The following DHX29 variants were observed in gnomAD, a reference collection of about 807,000 sequenced individuals.
The protein encoded by DHX29 is ATP-dependent RNA helicase DHX29.
A neutral mutation model predicts 167.9 loss-of-function variants in DHX29; 79 were observed. That is an observed-to-expected ratio of 0.47 (90% CI 0.39 to 0.57). The LOEUF is 0.57. Among genes scored for constraint, DHX29 ranks in the 20% least tolerant of loss-of-function variants. DHX29 has a pLI of 0.00. For synonymous variants in DHX29, 530 were observed against 546.0 expected (o/e 0.97, Z 0.41); for missense variants, 1,347 against 1,593.4 (o/e 0.85, Z 2.63).
At position 55,275,110 on chromosome 5, in the gene DHX29, A is replaced by G. The variant is rs1747042689; in HGVS notation, c.2428-100T>C. The G allele has an allele frequency of 4.5e-6, 6 of 1,338,272 alleles. No homozygotes were observed. The African/African-American group carries it at 7.5e-5, about 17-fold the overall frequency. 82.9% of individuals were successfully genotyped at this position (1,338,272 alleles called of 1,614,324 possible). On this transcript the variant is annotated intron_variant, in intron 14 of 26. Transcript: ENST00000251636. ...GGTATTTGCATTCATTCAAATCTAT[A>G]TTTTTCTCATTGTCACCATTACTAT...
chr5:55,296,703 T>C (rs1748340650), intron 3 of DHX29, among the ~76,000 whole-genome samples: 1 of 152,206 alleles, frequency 6.6e-6, no homozygotes, highest in Non-Finnish European at 1.5e-5. Context: ...CTTTGAATAG[T>C]TACATAATAT....
chr5:55,282,967 A>G (rs1186554760), intron 11 of DHX29: 1 of 338,238 alleles, frequency 3.0e-6, no homozygotes, highest in African/African-American at 2.1e-5. Flanking sequence ...TATAGTTAAT[A>G]TATTTTTTCT....
intron 1 of DHX29, among the ~76,000 whole-genome samples, chr5:55,304,597 G>C (rs1310516137): frequency 6.6e-6 from 1 of 151,950 alleles, no homozygotes; most frequent in Non-Finnish European, 1.5e-5. Context: ...ACTGCGCCTA[G>C]CCACCTTCTT....
intron 6 of DHX29, among the ~76,000 whole-genome samples, chr5:55,290,588 G>C (rs1747992537): frequency 6.6e-6 from 1 of 152,194 alleles, no homozygotes; most frequent in African/African-American, 2.4e-5. Flanking sequence ...CATCTCTACA[G>C]AGAAGACTAT....
chr5:55,281,135 C>CTA (rs552724018), intron 12 of DHX29, among the ~76,000 whole-genome samples: 14 of 150,900 alleles, frequency 9.3e-5, no homozygotes, highest in South Asian at 2.1e-4. Context: ...CACACACACG[C>CTA]TATATATATA....
At chr5:55,257,020 A>C (rs1008498129) in intron 26 of DHX29, among the ~76,000 whole-genome samples, 2 of 152,212 alleles carry the variant, frequency 1.3e-5, no homozygotes, top group African/African-American at 4.8e-5. Flanking sequence ...AGTCCAAAGG[A>C]AACAAAAAAT....
chr5:55,287,275 T>C (rs559837343), intron 8 of DHX29, among the ~76,000 whole-genome samples: 3 of 152,206 alleles, frequency 2.0e-5, no homozygotes, highest in Admixed American at 6.5e-5. Context: ...ACCCCGTCTC[T>C]ACTAAAAATA....
At chr5:55,289,470 A>G in intron 7 of DHX29, 42 bp from the exon 8 acceptor site, 1 of 1,419,916 alleles carries the variant, frequency 7.0e-7, no homozygotes, top group Non-Finnish European at 9.3e-7. Flanking sequence ...ATGGTTTTAA[A>G]AAAATTGTTA....
At chr5:55,263,588 A>G (rs1746411830) in intron 23 of DHX29, among the ~76,000 whole-genome samples, 1 of 151,866 alleles carries the variant, frequency 6.6e-6, no homozygotes, top group Non-Finnish European at 1.5e-5. Flanking sequence ...TAGGAGAGAA[A>G]AGACCAAACA....
At chr5:55,291,247 A>G (rs1028351951) in intron 6 of DHX29, among the ~76,000 whole-genome samples, 1 of 152,192 alleles carries the variant, frequency 6.6e-6, no homozygotes, top group African/African-American at 2.4e-5. Context: ...CCTTAGGTTA[A>G]TAAGTGACAG....
At chr5:55,272,925 AGAG>A (rs1746923952) in intron 17 of DHX29, among the ~76,000 whole-genome samples, 2 of 152,204 alleles carry the variant, frequency 1.3e-5, no homozygotes, top group Non-Finnish European at 2.9e-5. Flanking sequence ...AAAAATCATC[AGAG>A]AAGATCTGCC....
At chr5:55,295,149 G>A (rs1000023832) in intron 5 of DHX29, 1 of 438,516 alleles carries the variant, frequency 2.3e-6, no homozygotes, top group African/African-American at 2.0e-5. Flanking sequence ...ACCTTGCTGA[G>A]CCCAGCACAG....
At chr5:55,263,015 T>C (rs1231462918) in intron 23 of DHX29, 83 bp from the exon 24 acceptor site, 1 of 1,053,732 alleles carries the variant, frequency 9.5e-7, no homozygotes, top group African/African-American at 1.6e-5. Flanking sequence ...TATTACTGCT[T>C]CCTATAAAAA....
At chr5:55,298,818 C>T (rs1748453225) in intron 1 of DHX29, among the ~76,000 whole-genome samples, 154 bp from the exon 2 acceptor site, 1 of 151,412 alleles carries the variant, frequency 6.6e-6, no homozygotes, top group Non-Finnish European at 1.5e-5. Flanking sequence ...ATCATGAGGT[C>T]AGGAGATCGA....
At position 55,256,521 on chromosome 5, in the gene DHX29, G is replaced by A; in HGVS notation, c.4077C>T (p.Ile1359=). Residue 1359 remains isoleucine (I), a synonymous_variant, in exon 27 of 27, where the codon ATC becomes ATT. Coordinates refer to ENST00000251636, the MANE Select transcript of DHX29 (RefSeq NM_019030.4). ...MSLENDKILQ[I]ITELIKTENN is the part of the protein sequence containing the mutation. ...TCTCTGTTTTTATCAATTCCGTAAT[G>A]ATCTGCAGAATCTTGTCATCTGAGT... The A allele has an allele frequency of 1.3e-6, 2 of 1,590,904 alleles. No individual in the cohort carries two copies. The highest frequency in any genetic ancestry group is 1.7e-6 in the Non-Finnish European group (2 of 1,172,382).
chr5:55,303,107 A>AT (rs1218932696), intron 1 of DHX29, among the ~76,000 whole-genome samples: 6 of 150,504 alleles, frequency 4.0e-5, no homozygotes, highest in Non-Finnish European at 8.8e-5. Flanking sequence ...GACTCAGCTA[A>AT]TTAAAAAAAA....
At chr5:55,273,974 C>T (rs997870910) in intron 16 of DHX29, among the ~76,000 whole-genome samples, 2 of 151,264 alleles carry the variant, frequency 1.3e-5, no homozygotes, top group Non-Finnish European at 2.9e-5. Context: ...GTAGTCCCAG[C>T]TACTTGGGGA....
At chr5:55,298,453 A>C in intron 2 of DHX29, 138 bp downstream of exon 2, 2 of 571,480 alleles carry the variant, frequency 3.5e-6, no homozygotes, top group South Asian at 2.0e-5. Flanking sequence ...ACTTATTTTT[A>C]GTAGAGATTA....
chr5:55,291,819 G>A (rs1748062270), intron 6 of DHX29, among the ~76,000 whole-genome samples: 1 of 152,104 alleles, frequency 6.6e-6, no homozygotes, highest in African/African-American at 2.4e-5. Flanking sequence ...AATGTCGGTC[G>A]AGGTCCATCC....
Sources: gnomAD v4.1 joint callset for allele counts (sites outside exome capture counted in the v4.1 genomes callset) on GRCh38, gnomAD v4.1.1 for gene constraint, MANE v1.5 for transcripts, NCBI Gene and HGNC (gene_info 2026-07-23, HGNC 2026-07-21) for gene names.